The following MARCHF1 variants were observed in gnomAD, a reference collection of about 807,000 sequenced individuals.
MARCHF1 encodes E3 ubiquitin-protein ligase MARCHF1.
Under a neutral mutation model 54.2 loss-of-function variants are expected in MARCHF1, and 40 were observed. The ratio of observed to expected loss-of-function variants is 0.74; its 90% CI spans 0.57 to 0.96. MARCHF1 has a LOEUF of 0.96. Ranked by LOEUF, MARCHF1 falls within the 40% of genes least tolerant of loss-of-function variation. The pLI is 0.00. For missense variants in MARCHF1, 586 were observed against 656.5 expected, an observed-to-expected ratio of 0.89 and a Z score of 1.17; for synonymous variants, 236 against 236.3, an observed-to-expected ratio of 1.00 and a Z score of 0.01.
At chr4:164,265,220 A>G (rs530782676) in intron 1 of MARCHF1, among the ~76,000 whole-genome samples, 7 of 152,184 alleles carry the variant, frequency 4.6e-5, no homozygotes, top group African/African-American at 1.4e-4. Flanking sequence ...ACTATTGACA[A>G]TAAGTCTGTA....
chr4:163,692,576 G>A (rs1190741099), intron 5 of MARCHF1, among the ~76,000 whole-genome samples: 1 of 143,172 alleles, frequency 7.0e-6, no homozygotes, highest in Admixed American at 7.0e-5. Context: ...CACAGGGCTG[G>A]ATTATGGCTC....
chr4:164,275,788 A>T (rs533109925), intron 1 of MARCHF1, among the ~76,000 whole-genome samples: 9 of 152,342 alleles, frequency 5.9e-5, no homozygotes, highest in African/African-American at 1.7e-4. Flanking sequence ...ATCATTAGTT[A>T]AAAATATGTT....
chr4:164,009,130 A>C (rs1753361976), intron 2 of MARCHF1, among the ~76,000 whole-genome samples: 2 of 152,080 alleles, frequency 1.3e-5, no homozygotes, highest in Admixed American at 6.5e-5. Flanking sequence ...AATATGTAAA[A>C]ACTGAGACCT....
In MARCHF1 at chr4:163,606,614, G is replaced by A. The variant is rs926583057; in HGVS notation, c.1010+5657C>T. On this transcript the variant is annotated intron_variant, in intron 7 of 9. Transcript: ENST00000514618. ...CCTAAATATGAGCATTTGGAGACGAGGAGTGAGACATTTAAGAGGGGAAGA... is the reference window on the plus strand; with the variant it reads ...CCTAAATATGAGCATTTGGAGACGAAGAGTGAGACATTTAAGAGGGGAAGA... Among the ~76,000 whole-genome samples, 26 of 152,090 alleles carry A rather than the reference G, an allele frequency of 1.7e-4. 1 individual carries two copies. The highest frequency in any genetic ancestry group is 5.8e-4 in the African/African-American group (24 of 41,512).
intron 3 of MARCHF1, among the ~76,000 whole-genome samples, chr4:163,987,191 T>C (rs1752885949): frequency 1.3e-5 from 2 of 152,230 alleles, no homozygotes; most frequent in Admixed American, 1.3e-4. Context: ...CTCTAGAGAA[T>C]GTGCCTGAGC....
At chr4:163,827,592 G>C (rs1395058611) in intron 4 of MARCHF1, among the ~76,000 whole-genome samples, 2 of 152,110 alleles carry the variant, frequency 1.3e-5, no homozygotes, top group Non-Finnish European at 1.5e-5. Flanking sequence ...ACCCCTCTGT[G>C]TAGCTTAGCC....
chr4:164,152,154 A>G (rs1370761433), intron 1 of MARCHF1, among the ~76,000 whole-genome samples: 2 of 152,210 alleles, frequency 1.3e-5, no homozygotes. Context: ...ATGTACCTAC[A>G]TATATACATA....
In MARCHF1 at chr4:163,525,980, C is replaced by T. The variant is rs913977896; in HGVS notation, c.*2768G>A. Reference sequence around the variant, plus strand: ...ACAAACAACCATTGCTGAAAAGCTTCTTAAAAGCTTGAAATTCAGAACTTC... The same window carrying T: ...ACAAACAACCATTGCTGAAAAGCTTTTTAAAAGCTTGAAATTCAGAACTTC... On this transcript the variant is annotated 3_prime_UTR_variant, in exon 10 of 10. Coordinates refer to ENST00000514618, the MANE Select transcript of MARCHF1 (RefSeq NM_001394959.1). 6 of 152,072 alleles carry T rather than the reference C, an allele frequency of 3.9e-5. No individual in the cohort carries two copies. The highest frequency in any genetic ancestry group is 5.9e-5 in the Non-Finnish European group (4 of 67,968). The allele number at this position is 152,072 out of a possible 1,614,324, so 9.4% of individuals were successfully genotyped here.
At chr4:163,550,477 C>A (rs551662435) in intron 8 of MARCHF1, among the ~76,000 whole-genome samples, 1 of 149,766 alleles carries the variant, frequency 6.7e-6, no homozygotes, top group Non-Finnish European at 1.5e-5. Flanking sequence ...CAGGTGGCGC[C>A]AGGCCCAAAC....
At chr4:164,328,551 T>C (rs1735343520) in intron 1 of MARCHF1, among the ~76,000 whole-genome samples, 1 of 151,740 alleles carries the variant, frequency 6.6e-6, no homozygotes, top group Admixed American at 6.6e-5. Context: ...TTTTTTGAGA[T>C]GGAGTTTTGC....
chr4:164,101,426 A>C (rs1341501830), intron 2 of MARCHF1, among the ~76,000 whole-genome samples: 2 of 120,666 alleles, frequency 1.7e-5, no homozygotes, highest in East Asian at 4.2e-4. Context: ...GAGAACGGGC[A>C]GACTGCCTCC....
intron 5 of MARCHF1, among the ~76,000 whole-genome samples, chr4:163,666,763 T>A (rs1041803180): frequency 5.3e-5 from 8 of 152,122 alleles, no homozygotes; most frequent in Non-Finnish European, 2.9e-5. Flanking sequence ...TTATACTTCC[T>A]GTTTCTAACC....
chr4:164,021,502 T>A (rs1753663635), intron 2 of MARCHF1, among the ~76,000 whole-genome samples: 1 of 152,214 alleles, frequency 6.6e-6, no homozygotes, highest in African/African-American at 2.4e-5. Flanking sequence ...AAAGTTAATT[T>A]CTATCAAGTC....
chr4:163,915,089 G>A (rs999156129), intron 3 of MARCHF1, among the ~76,000 whole-genome samples: 2 of 152,104 alleles, frequency 1.3e-5, no homozygotes, highest in Non-Finnish European at 2.9e-5. Context: ...TTAAACAGGA[G>A]CATATCTTGT....
intron 1 of MARCHF1, among the ~76,000 whole-genome samples, chr4:164,268,226 G>A (rs1021312078): frequency 4.6e-5 from 7 of 152,110 alleles, no homozygotes; most frequent in African/African-American, 1.2e-4. Context: ...AAAACTATGA[G>A]TAAAGACCAA....
intron 2 of MARCHF1, among the ~76,000 whole-genome samples, chr4:164,002,965 A>T (rs1753214172): frequency 6.6e-6 from 1 of 151,978 alleles, no homozygotes; most frequent in African/African-American, 2.4e-5. Context: ...AACTATATTA[A>T]CACACGTAAT....
At chr4:163,872,809 C>G (rs754664172) in intron 3 of MARCHF1, among the ~76,000 whole-genome samples, 4 of 151,926 alleles carry the variant, frequency 2.6e-5, no homozygotes, top group African/African-American at 9.7e-5. Context: ...CTTTGGGAGG[C>G]AGAGGCGGGC....
At chr4:163,561,513 C>T (rs1411317637) in intron 8 of MARCHF1, among the ~76,000 whole-genome samples, 1 of 152,152 alleles carries the variant, frequency 6.6e-6, no homozygotes, top group Non-Finnish European at 1.5e-5. Flanking sequence ...GCCAATACAT[C>T]TATCACACAA....
At chr4:164,078,154 G>A (rs1286245305) in intron 2 of MARCHF1, among the ~76,000 whole-genome samples, 1 of 152,148 alleles carries the variant, frequency 6.6e-6, no homozygotes, top group Non-Finnish European at 1.5e-5. Flanking sequence ...GTGATAGACT[G>A]GATAAAGAAA....
Sources: gnomAD v4.1 joint callset for allele counts (sites outside exome capture counted in the v4.1 genomes callset) on GRCh38, gnomAD v4.1.1 for gene constraint, MANE v1.5 for transcripts, NCBI Gene and HGNC (gene_info 2026-07-23, HGNC 2026-07-21) for gene names.